The following C1QTNF3 variants were observed in gnomAD, a reference collection of about 807,000 sequenced individuals.
The protein encoded by C1QTNF3 is complement C1q tumor necrosis factor-related protein 3.
Under a neutral mutation model 32.6 loss-of-function variants are expected in C1QTNF3, and 26 were observed. The ratio of observed to expected loss-of-function variants is 0.80; its 90% CI spans 0.58 to 1.11. The LOEUF is 1.11. Among genes scored for constraint, C1QTNF3 ranks in the 50% least tolerant of loss-of-function variants. C1QTNF3 has a pLI of 0.00. For synonymous variants in C1QTNF3, 155 were observed against 146.0 expected, an observed-to-expected ratio of 1.06 and a Z score of -0.44; for missense variants, 362 against 398.2, an observed-to-expected ratio of 0.91 and a Z score of 0.77.
At chr5:34,040,398 A>C (rs1416692710) in intron 1 of C1QTNF3, among the ~76,000 whole-genome samples, 9 of 151,984 alleles carry the variant, frequency 5.9e-5, no homozygotes, top group Non-Finnish European at 1.0e-4. Context: ...CTCCTGCCCC[A>C]AAAAAAGGGA....
At chr5:34,081,974 T>C in the C1QTNF3 span, among the ~76,000 whole-genome samples, 1 of 151,640 alleles carries the variant, frequency 6.6e-6, no homozygotes, top group Non-Finnish European at 1.5e-5. Flanking sequence ...TTGAGCAAAA[T>C]AAATTGTCAT....
chr5:34,204,547 C>A, the C1QTNF3 span, among the ~76,000 whole-genome samples: 1 of 152,116 alleles, frequency 6.6e-6, no homozygotes, highest in Non-Finnish European at 1.5e-5. Flanking sequence ...AATGTATATA[C>A]ATGGACATAG....
chr5:34,064,566 C>A, the C1QTNF3 span, among the ~76,000 whole-genome samples: 1 of 152,136 alleles, frequency 6.6e-6, no homozygotes, highest in Non-Finnish European at 1.5e-5. Flanking sequence ...CAATGACGAG[C>A]CTTTAGCCTG....
At chr5:34,051,659 G>T in the C1QTNF3 span, among the ~76,000 whole-genome samples, 2 of 152,226 alleles carry the variant, frequency 1.3e-5, no homozygotes, top group Admixed American at 6.5e-5. Flanking sequence ...TACTTCCTGA[G>T]AAGGCAGGGT....
the C1QTNF3 span, among the ~76,000 whole-genome samples, chr5:34,177,491 T>A: frequency 8.2e-5 from 12 of 145,658 alleles, no homozygotes; most frequent in African/African-American, 2.8e-4. Context: ...TTTTTTTTTT[T>A]TTTTTTTTTT....
chr5:34,243,348 T>C, the C1QTNF3 span, among the ~76,000 whole-genome samples: 2 of 152,328 alleles, frequency 1.3e-5, no homozygotes, highest in African/African-American at 2.4e-5. Flanking sequence ...GGAATGCTTA[T>C]ACACTACTGT....
the C1QTNF3 span, among the ~76,000 whole-genome samples, chr5:34,113,615 ATATAT>A: frequency 6.6e-6 from 1 of 152,154 alleles, no homozygotes; most frequent in African/African-American, 2.4e-5. Flanking sequence ...AAACTAAAAA[ATATAT>A]TTAATTTTTA....
the C1QTNF3 span, among the ~76,000 whole-genome samples, chr5:34,123,561 C>A: frequency 6.6e-6 from 1 of 151,394 alleles, no homozygotes; most frequent in African/African-American, 2.4e-5. Context: ...GATCTATATT[C>A]TCTTCATGTT....
the C1QTNF3 span, among the ~76,000 whole-genome samples, chr5:34,132,271 G>A: frequency 4.1e-4 from 63 of 152,050 alleles, no homozygotes; most frequent in African/African-American, 1.4e-3. Flanking sequence ...TGTAATCCAA[G>A]CTACTTGAGA....
rs749802788 is a variant in C1QTNF3 at position 34,018,812 on chromosome 5, G to A, written c.*1771C>T. 2.0e-5 allele frequency among the ~76,000 whole-genome samples: 3 copies of A among 152,188 alleles called. No individual in the cohort carries two copies. The highest frequency in any genetic ancestry group is 4.4e-5 in the Non-Finnish European group (3 of 68,034). On this transcript the variant is annotated 3_prime_UTR_variant, in exon 6 of 6. Transcript: ENST00000382065. ...AAGCAAGCAGAAACTCAAGTGCTTC[G>A]TTTGCAGAGTTGTTTTAAGATTTAG... is the stretch of plus-strand genomic sequence containing the variant.
chr5:34,243,818 G>A, the C1QTNF3 span, among the ~76,000 whole-genome samples: 1 of 151,638 alleles, frequency 6.6e-6, no homozygotes, highest in East Asian at 1.9e-4. Context: ...TATGGGGGTG[G>A]GGGAGAGAGG....
chr5:34,129,144 A>G, the C1QTNF3 span, among the ~76,000 whole-genome samples: 2 of 152,158 alleles, frequency 1.3e-5, no homozygotes, highest in Non-Finnish European at 2.9e-5. Flanking sequence ...CTGCCACCAT[A>G]TAAGATGGCT....
At chr5:34,029,869 A>G (rs1754567050) in intron 3 of C1QTNF3, among the ~76,000 whole-genome samples, 1 of 152,248 alleles carries the variant, frequency 6.6e-6, no homozygotes, top group African/African-American at 2.4e-5. Context: ...AATAATATGT[A>G]TATATGTTCC....
At chr5:34,105,038 C>T in the C1QTNF3 span, among the ~76,000 whole-genome samples, 1 of 151,830 alleles carries the variant, frequency 6.6e-6, no homozygotes, top group Admixed American at 6.6e-5. Context: ...TTCCTAATTA[C>T]ACTTTCTGTC....
rs550862298 is a variant in C1QTNF3 at position 34,017,984 on chromosome 5, TTTCAAATTGTCC to T, written c.*2587_*2598del. Among the ~76,000 whole-genome samples, 2,478 of 152,090 alleles carry T rather than the reference TTTCAAATTGTCC, an allele frequency of 0.016. 76 individuals are homozygous for T. Among genetic ancestry groups the T allele is most frequent in the African/African-American group, 0.058 (2,399 of 41,524 alleles). On this transcript the variant is annotated 3_prime_UTR_variant, in exon 6 of 6. Transcript: ENST00000382065. ...AATTATGCAGTCATTAAAATTATGTTTTCAAATTGTCCTTAGTAGCATTTGAGAGTGTTCTTA... is the reference window on the plus strand; with the variant it reads ...AATTATGCAGTCATTAAAATTATGTTTTAGTAGCATTTGAGAGTGTTCTTA...
At chr5:34,071,548 GA>G in the C1QTNF3 span, among the ~76,000 whole-genome samples, 1 of 147,606 alleles carries the variant, frequency 6.8e-6, no homozygotes, top group East Asian at 2.0e-4. Context: ...ACCAGAAACT[GA>G]AAAAAAAACA....
At chr5:34,146,658 A>T in the C1QTNF3 span, among the ~76,000 whole-genome samples, 1 of 152,202 alleles carries the variant, frequency 6.6e-6, no homozygotes. Context: ...CCGTATACAA[A>T]GCTAACTCAA....
At chr5:34,169,854 TAAGAA>T in the C1QTNF3 span, among the ~76,000 whole-genome samples, 2 of 152,098 alleles carry the variant, frequency 1.3e-5, no homozygotes, top group East Asian at 3.9e-4. Context: ...ATACAGCAAC[TAAGAA>T]AACAGTATGG....
At chr5:34,145,454 A>G in the C1QTNF3 span, among the ~76,000 whole-genome samples, 1 of 152,112 alleles carries the variant, frequency 6.6e-6, no homozygotes, top group Admixed American at 6.5e-5. Context: ...AATAAAATCC[A>G]GAATAGACCA....
Sources: allele counts gnomAD v4.1 joint callset (sites outside exome capture counted in the v4.1 genomes callset), GRCh38; gene constraint gnomAD v4.1.1; transcripts MANE v1.5; gene names NCBI Gene and HGNC (gene_info 2026-07-23, HGNC 2026-07-21).